The following DIS3L variants were observed in gnomAD, a reference collection of about 807,000 sequenced individuals.
DIS3L encodes DIS3 like exosome 3'-5' exoribonuclease.
DIS3L carries 100 observed loss-of-function variants against 120.3 expected under a neutral mutation model. The ratio of observed to expected loss-of-function variants is 0.83; its 90% CI spans 0.71 to 0.98. The LOEUF (loss-of-function observed/expected upper bound fraction) is 0.98. DIS3L is among the 50% of genes least tolerant of loss of function. The probability of loss-of-function intolerance (pLI) is 0.00; values close to 1 mark genes in which losing one functional copy is unlikely to be tolerated. For synonymous variants in DIS3L, 426 were observed against 470.6 expected, an observed-to-expected ratio of 0.91 and a Z score of 1.23; for missense variants, 1,196 against 1,314.2, an observed-to-expected ratio of 0.91 and a Z score of 1.39.
chr15:66,326,925 C>A (rs145164695), intron 12 of DIS3L, among the ~76,000 whole-genome samples: 91 of 148,266 alleles, frequency 6.1e-4, no homozygotes, highest in African/African-American at 1.2e-3. Flanking sequence ...TTTTTTTGTT[C>A]GGTTGGTTTT....
intron 2 of DIS3L, 35 bp from the exon 3 acceptor site, chr15:66,306,789 C>T (rs1453845807): frequency 1.2e-6 from 2 of 1,612,150 alleles, no homozygotes; most frequent in Non-Finnish European, 1.7e-6. Context: ...TGAGTACCTG[C>T]TTTGTTAGAG....
rs752527578 is a variant in DIS3L, at chr15:66,311,900, G to C, written c.735G>C (p.Gln245His). 3.1e-6 allele frequency: 5 copies of C among 1,613,626 alleles called. No homozygotes were observed. In the Admixed American group the frequency reaches 5.0e-5, roughly 16 times the overall value. ...GGATTAAATCTGGACGCTATATCCA[G>C]GTGAGGGTGGTAATTTAGAATGTGT... ...EAGIKSGRYI[Q>H]GILNVNKHRA... Residue 245 changes from glutamine (Q) to histidine (H), a missense_variant and splice_region_variant, in exon 5 of 17, where the codon CAG (glutamine) becomes CAC (histidine). Transcript: ENST00000319212.
rs759050351 is a variant in DIS3L at position 66,318,517 on chromosome 15, G to T, written c.1063G>T (p.Val355Phe). ...YVVTFPSKEE[V>F]QSQGKNAQKI... Reference sequence around the variant, plus strand: ...GGTGACATTTCCGTCCAAAGAAGAGGTCCAATCTCAGGGCAAAAATGCTCA... The same window carrying T: ...GGTGACATTTCCGTCCAAAGAAGAGTTCCAATCTCAGGGCAAAAATGCTCA... The change falls in exon 8 of 17, where the codon GTC becomes TTC. Residue 355 changes from valine to phenylalanine, a missense_variant. By Grantham distance (50) the Val-to-Phe change is conservative (BLOSUM62 -1). Coordinates refer to ENST00000319212, the MANE Select transcript of DIS3L (RefSeq NM_001143688.3). 4 of 1,613,880 alleles carry T rather than the reference G, an allele frequency of 2.5e-6. No individual in the cohort carries two copies. Among genetic ancestry groups the T allele is most frequent in the Non-Finnish European group, 8.5e-7 (1 of 1,180,024 alleles).
At chr15:66,313,913 G>A in intron 5 of DIS3L, 126 bp from the exon 6 acceptor site, 3 of 618,862 alleles carry the variant, frequency 4.8e-6, no homozygotes, top group Non-Finnish European at 8.2e-6. Context: ...AGTTCCTAAA[G>A]GGATCACAAA....
At chr15:66,316,877 C>G (rs762285441) in intron 7 of DIS3L, among the ~76,000 whole-genome samples, 5 of 152,166 alleles carry the variant, frequency 3.3e-5, no homozygotes, top group Non-Finnish European at 5.9e-5. Context: ...CTCAAAACTC[C>G]TCAATGGCTG....
chr15:66,309,536 C>G (rs528885365), intron 4 of DIS3L, among the ~76,000 whole-genome samples: 129 of 152,218 alleles, frequency 8.5e-4, no homozygotes, highest in African/African-American at 3.0e-3. Flanking sequence ...AGCCACTTTT[C>G]TGTGTGTATT....
Position 66,293,577 on chromosome 15 carries a change from C to T in DIS3L, c.-20C>T, listed in dbSNP as rs1246848657. The stretch of plus-strand genomic sequence containing the variant: ...CTCCGCCGCGCCCGCCACTCCGCGG[C>T]CGCCGGGAGACACGCCGCCATGCTG... On this transcript the variant is annotated 5_prime_UTR_variant, in exon 1 of 17. Transcript: ENST00000319212. 3 of 1,421,066 alleles carry T rather than the reference C, an allele frequency of 2.1e-6. No homozygotes were observed. The highest frequency in any genetic ancestry group is 2.7e-5 in the South Asian group (2 of 74,238). The allele number at this position is 1,421,066 out of a possible 1,614,324, so 88.0% of individuals were successfully genotyped here. A position where few individuals can be genotyped will look rare whatever the true frequency, so the allele number is the denominator to read the frequency against.
chr15:66,298,993 G>A (rs372627570), intron 2 of DIS3L, among the ~76,000 whole-genome samples: 7 of 152,336 alleles, frequency 4.6e-5, no homozygotes, highest in Admixed American at 2.0e-4. Context: ...TGGGGCGCCA[G>A]GAGAGCCCAG....
At chr15:66,320,890 A>G (rs1037164038) in intron 9 of DIS3L, among the ~76,000 whole-genome samples, 158 bp downstream of exon 9, 4 of 152,200 alleles carry the variant, frequency 2.6e-5, no homozygotes, top group Non-Finnish European at 4.4e-5. Context: ...CTATATTTGG[A>G]CCAAACTGAA....
chr15:66,312,090 C>T (rs149931443), intron 5 of DIS3L, among the ~76,000 whole-genome samples, 190 bp downstream of exon 5: 3 of 151,938 alleles, frequency 2.0e-5, no homozygotes, highest in African/African-American at 7.2e-5. Flanking sequence ...ACCTGTACTC[C>T]CAGATTACTT....
chr15:66,294,571 C>T (rs948104617), intron 1 of DIS3L: 2 of 977,754 alleles, frequency 2.0e-6, no homozygotes, highest in African/African-American at 1.8e-5. Context: ...CCCTTGGAGG[C>T]TGCTGAGCAC....
chr15:66,318,949 C>A (rs1490714415), intron 8 of DIS3L, among the ~76,000 whole-genome samples: 1 of 152,002 alleles, frequency 6.6e-6, no homozygotes, highest in African/African-American at 2.4e-5. Context: ...CCCGCCACCA[C>A]GCCCGGCTAA....
At chr15:66,300,223 C>T (rs1015438108) in intron 2 of DIS3L, among the ~76,000 whole-genome samples, 27 of 152,156 alleles carry the variant, frequency 1.8e-4, no homozygotes, top group African/African-American at 4.3e-4. Flanking sequence ...GATGGAATGA[C>T]GTACTGATAG....
chr15:66,299,810 T>C (rs913390967), intron 2 of DIS3L, among the ~76,000 whole-genome samples: 7 of 152,144 alleles, frequency 4.6e-5, no homozygotes, highest in Non-Finnish European at 8.8e-5. Flanking sequence ...AATCCTAGCA[T>C]TTTGACAGGC....
intron 14 of DIS3L, chr15:66,329,720 T>G: frequency 9.8e-7 from 1 of 1,015,528 alleles, no homozygotes; most frequent in Non-Finnish European, 1.2e-6. Context: ...GAGACCAGCC[T>G]GGCCAATATG....
Position 66,293,737 on chromosome 15 carries a change from T to TCAGGGC in DIS3L, c.139+4_139+9dup. ...CGCAGCCCGCCGCCTGCAGCCACGG[T>TCAGGGC]CAGGGCCGGGGCGGGGGCGGGGACG... On this transcript the variant is annotated splice_region_variant and intron_variant, in intron 1 of 16. Coordinates refer to ENST00000319212, the MANE Select transcript of DIS3L (RefSeq NM_001143688.3). 2 of 1,265,652 alleles carry TCAGGGC rather than the reference T, an allele frequency of 1.6e-6. No homozygotes were observed. Among genetic ancestry groups the TCAGGGC allele is most frequent in the Non-Finnish European group, 2.0e-6 (2 of 1,003,166 alleles). The allele number at this position is 1,265,652 out of a possible 1,614,324, so 78.4% of individuals were successfully genotyped here.
At chr15:66,301,057 C>T (rs1413709026) in intron 2 of DIS3L, among the ~76,000 whole-genome samples, 1 of 152,122 alleles carries the variant, frequency 6.6e-6, no homozygotes, top group African/African-American at 2.4e-5. Flanking sequence ...GGGACTCCCA[C>T]TTCTAATCCT....
chr15:66,330,598 T>G, intron 14 of DIS3L: 1 of 972,064 alleles, frequency 1.0e-6, no homozygotes, highest in African/African-American at 1.8e-5. Context: ...AGTAGAAATT[T>G]GTCTCAGTAG....
intron 2 of DIS3L, among the ~76,000 whole-genome samples, chr15:66,300,012 C>T (rs1481747218): frequency 6.6e-6 from 1 of 152,184 alleles, no homozygotes; most frequent in Non-Finnish European, 1.5e-5. Context: ...GATCGCTCCA[C>T]TGCACTCCAG....
Sources: gnomAD v4.1 joint callset for allele counts (sites outside exome capture counted in the v4.1 genomes callset) on GRCh38, gnomAD v4.1.1 for gene constraint, MANE v1.5 for transcripts, NCBI Gene and HGNC (gene_info 2026-07-23, HGNC 2026-07-21) for gene names.